Variants in TENM4 observed in about 807,000 individuals in gnomAD.
TENM4 encodes teneurin transmembrane protein 4.
Under a neutral mutation model 243.3 loss-of-function variants are expected in TENM4, and 82 were observed. The observed-to-expected ratio is 0.34, with a 90% CI of 0.28 to 0.40. The LOEUF (loss-of-function observed/expected upper bound fraction) is 0.40. Ranked by LOEUF, TENM4 falls within the 10% of genes least tolerant of loss-of-function variation. The pLI is 1.00. For missense variants in TENM4, 3,138 were observed against 3,673.3 expected (o/e 0.85, Z 3.77); for synonymous variants, 1,412 against 1,456.3 (o/e 0.97, Z 0.69).
chr11:78,708,749 C>T (rs1565342843), intron 26 of TENM4, among the ~76,000 whole-genome samples: 1 of 152,154 alleles, frequency 6.6e-6, no homozygotes, highest in Non-Finnish European at 1.5e-5. Context: ...GTCCTCCCAC[C>T]TTGCTGCCTC....
chr11:78,850,564 G>A (rs1176207562), intron 12 of TENM4, among the ~76,000 whole-genome samples: 1 of 152,146 alleles, frequency 6.6e-6, no homozygotes, highest in African/African-American at 2.4e-5. Context: ...AGGGACTCTT[G>A]GGGAAAGCGG....
chr11:78,860,297 A>G (rs1858784859), intron 10 of TENM4, among the ~76,000 whole-genome samples: 1 of 152,214 alleles, frequency 6.6e-6, no homozygotes, highest in Non-Finnish European at 1.5e-5. Context: ...TTGAATGGAT[A>G]GATATAGTTA....
intron 12 of TENM4, among the ~76,000 whole-genome samples, chr11:78,817,946 C>G (rs1396456606): frequency 6.6e-6 from 1 of 152,172 alleles, no homozygotes; most frequent in African/African-American, 2.4e-5. Flanking sequence ...GGACATCTTA[C>G]ACAGGCTAAG....
intron 18 of TENM4, among the ~76,000 whole-genome samples, chr11:78,763,639 GGT>G (rs1856480454): frequency 6.6e-6 from 1 of 152,202 alleles, no homozygotes; most frequent in Non-Finnish European, 1.5e-5. Flanking sequence ...GAGGGAAAGG[GGT>G]GTGTGGGAGA....
chr11:79,389,785 G>T (rs1026218855), intron 1 of TENM4, among the ~76,000 whole-genome samples: 1 of 152,190 alleles, frequency 6.6e-6, no homozygotes, highest in Non-Finnish European at 1.5e-5. Context: ...TCACAAAAAA[G>T]TACTCAATTA....
At chr11:78,839,256 T>C (rs1858195289) in intron 12 of TENM4, among the ~76,000 whole-genome samples, 1 of 152,218 alleles carries the variant, frequency 6.6e-6, no homozygotes, top group Non-Finnish European at 1.5e-5. Context: ...ATTGACATAT[T>C]TAGAGTATTT....
At chr11:79,355,455 C>T (rs1310851584) in intron 1 of TENM4, among the ~76,000 whole-genome samples, 1 of 136,696 alleles carries the variant, frequency 7.3e-6, no homozygotes, top group Non-Finnish European at 1.6e-5. Context: ...ATTGCTTGAA[C>T]CTGGGAAGCA....
In TENM4 at chr11:78,669,091, C is replaced by T. The variant is rs1260135132; in HGVS notation, c.7254G>A (p.Arg2418=). 1 of 1,613,854 alleles carries T rather than the reference C, an allele frequency of 6.2e-7. No individual in the cohort carries two copies. The highest frequency in any genetic ancestry group is 8.5e-7 in the Non-Finnish European group (1 of 1,179,838). The change falls in exon 32 of 34, where the codon CGG becomes CGA. Residue 2418 remains arginine (R), a synonymous_variant. Transcript: ENST00000278550. This position sits in a 1 kb window ranked among gnomAD's most constrained non-coding sequence, Gnocchi z 6.4. ...DPLTKLVHMG[R]RDYDVLAGRW... is the part of the protein sequence containing the mutation. ...GTCCGGCCAGCACATCATAATCTCGCCGGCCCATGTGGACAAGCTTGGTGA... is the reference window on the plus strand; with the variant it reads ...GTCCGGCCAGCACATCATAATCTCGTCGGCCCATGTGGACAAGCTTGGTGA...
chr11:79,081,167 A>G (rs1860661217), intron 4 of TENM4, among the ~76,000 whole-genome samples: 2 of 152,196 alleles, frequency 1.3e-5, no homozygotes, highest in African/African-American at 4.8e-5. Context: ...CAGCTGGAGG[A>G]AGGGGTTAGT....
At chr11:79,206,936 A>G (rs1863860041) in intron 3 of TENM4, among the ~76,000 whole-genome samples, 1 of 152,224 alleles carries the variant, frequency 6.6e-6, no homozygotes, top group Non-Finnish European at 1.5e-5. Flanking sequence ...AGAATGGGAC[A>G]GTGACAAATT....
chr11:78,754,067 T>A (rs568956036), intron 19 of TENM4, among the ~76,000 whole-genome samples: 1 of 152,350 alleles, frequency 6.6e-6, no homozygotes, highest in African/African-American at 2.4e-5. Context: ...GCAATTTATA[T>A]GTATATGTTT....
At chr11:78,705,665 G>T (rs1282146955) in intron 27 of TENM4, among the ~76,000 whole-genome samples, 2 of 152,200 alleles carry the variant, frequency 1.3e-5, no homozygotes, top group Non-Finnish European at 2.9e-5. Flanking sequence ...CTGCCTTGTT[G>T]CAGAGTGATT....
At chr11:78,690,573 T>A (rs1858794853) in intron 28 of TENM4, among the ~76,000 whole-genome samples, 1 of 152,192 alleles carries the variant, frequency 6.6e-6, no homozygotes, top group Non-Finnish European at 1.5e-5. Context: ...GGCAGATGCC[T>A]TAAATTCCAG....
chr11:79,014,489 T>G (rs1389051254), intron 6 of TENM4: 1 of 152,242 alleles, frequency 6.6e-6, no homozygotes, highest in African/African-American at 2.4e-5. Flanking sequence ...ATGCACATTC[T>G]AATCAATTAA....
chr11:79,259,025 GT>G (rs1855746936), intron 2 of TENM4, among the ~76,000 whole-genome samples: 1 of 152,168 alleles, frequency 6.6e-6, no homozygotes, highest in Non-Finnish European at 1.5e-5. Context: ...CACATATTTG[GT>G]TCACAATGCA....
chr11:79,085,229 T>G (rs1375364399), intron 4 of TENM4, among the ~76,000 whole-genome samples: 1 of 151,100 alleles, frequency 6.6e-6, no homozygotes, highest in Non-Finnish European at 1.5e-5. Context: ...AAAAAAAAAT[T>G]AGCGGGGTGT....
intron 16 of TENM4, among the ~76,000 whole-genome samples, chr11:78,782,771 T>TAA (rs111596686): frequency 0.02 from 2,615 of 131,636 alleles, 43 homozygotes; most frequent in African/African-American, 0.047. Context: ...GTCTTTTTTT[T>TAA]TAAAAAAAAA....
chr11:79,291,462 G>C (rs965202927), intron 2 of TENM4, among the ~76,000 whole-genome samples: 3 of 152,304 alleles, frequency 2.0e-5, no homozygotes, highest in Non-Finnish European at 4.4e-5. Context: ...GGGTGTGCCA[G>C]CCAAACATCC....
chr11:79,202,495 A>G (rs535978668), intron 3 of TENM4, among the ~76,000 whole-genome samples: 61 of 152,308 alleles, frequency 4.0e-4, no homozygotes, highest in African/African-American at 1.4e-3. Flanking sequence ...AACCAATTTA[A>G]ATAAACTCAC....
Sources: allele counts gnomAD v4.1 joint callset (sites outside exome capture counted in the v4.1 genomes callset), GRCh38; gene constraint gnomAD v4.1.1; non-coding constraint Gnocchi (gnomAD v3.1); transcripts MANE v1.5; gene names NCBI Gene and HGNC (gene_info 2026-07-23, HGNC 2026-07-21).